SLC9A9: variants seen among roughly 807,000 people sequenced by gnomAD.
SLC9A9 encodes the protein sodium/hydrogen exchanger 9.
SLC9A9 carries 62 observed loss-of-function variants against 77.8 expected under a neutral mutation model. The observed-to-expected ratio is 0.80, with a 90% CI of 0.65 to 0.98. SLC9A9 has a LOEUF of 0.98. SLC9A9 is among the 50% of genes least tolerant of loss of function. SLC9A9 has a pLI of 0.00. For missense variants in SLC9A9, 775 were observed against 774.9 expected (o/e 1.00, Z 0.00); for synonymous variants, 320 against 283.5 (o/e 1.13, Z -1.29).
chr3:143,401,392 C>T (rs1179169808), intron 12 of SLC9A9, among the ~76,000 whole-genome samples: 1 of 152,118 alleles, frequency 6.6e-6, no homozygotes, highest in Non-Finnish European at 1.5e-5. Flanking sequence ...AAAACCAGCT[C>T]TTATAATAGT....
intron 14 of SLC9A9, among the ~76,000 whole-genome samples, chr3:143,298,178 T>A (rs1306475592): frequency 6.6e-6 from 1 of 152,344 alleles, no homozygotes. Context: ...TCCCCCCACG[T>A]TGATGTTCAG....
chr3:143,583,649 C>T (rs554164140), intron 6 of SLC9A9, among the ~76,000 whole-genome samples: 1 of 152,260 alleles, frequency 6.6e-6, no homozygotes, highest in South Asian at 2.1e-4. Flanking sequence ...ATAGTACCAA[C>T]CACACTGGGT....
At chr3:143,716,833 G>A (rs1934364822) in intron 4 of SLC9A9, among the ~76,000 whole-genome samples, 2 of 152,226 alleles carry the variant, frequency 1.3e-5, no homozygotes, top group African/African-American at 4.8e-5. Context: ...AATATAGGAT[G>A]GTACCAATGC....
intron 4 of SLC9A9, among the ~76,000 whole-genome samples, chr3:143,733,805 A>G (rs1458159085): frequency 1.3e-5 from 2 of 152,062 alleles, no homozygotes; most frequent in Non-Finnish European, 2.9e-5. Context: ...ACATGCCCCC[A>G]CTTTCCACCA....
At chr3:143,825,336 T>C (rs2009271348) in intron 2 of SLC9A9, among the ~76,000 whole-genome samples, 1 of 151,962 alleles carries the variant, frequency 6.6e-6, no homozygotes, top group Non-Finnish European at 1.5e-5. Flanking sequence ...GCAAATGTAG[T>C]TTACAAATAA....
chr3:143,756,258 A>G lies in SLC9A9; in HGVS notation c.533+38743T>C, dbSNP rs371159025. On this transcript the variant is annotated intron_variant, in intron 4 of 15. Coordinates refer to ENST00000316549, the MANE Select transcript of SLC9A9 (RefSeq NM_173653.4). ...CCATAACTAGACCTCAGGTTTCAGAAAAGAAAAGCTGATCTTCACAACAGT... is the reference window on the plus strand; with the variant it reads ...CCATAACTAGACCTCAGGTTTCAGAGAAGAAAAGCTGATCTTCACAACAGT... Among the ~76,000 whole-genome samples the G allele has an allele frequency of 3.3e-5, 5 of 152,346 alleles. No homozygotes were observed. The East Asian group carries it at 9.6e-4, about 29-fold the overall frequency.
intron 2 of SLC9A9, among the ~76,000 whole-genome samples, chr3:143,824,322 A>T (rs571055546): frequency 6.6e-6 from 1 of 152,266 alleles, no homozygotes; most frequent in East Asian, 1.9e-4. Flanking sequence ...AAAAACAAAA[A>T]ACTGCCTTCC....
chr3:143,432,855 T>TGACCTCATGATCCCCC (rs2034547278), intron 12 of SLC9A9, among the ~76,000 whole-genome samples: 6 of 152,244 alleles, frequency 3.9e-5, no homozygotes, highest in Admixed American at 3.9e-4. Flanking sequence ...CTTGATCTCC[T>TGACCTCATGATCCCCC]GACCTCATGA....
chr3:143,308,564 A>G (rs1436890964), intron 14 of SLC9A9, among the ~76,000 whole-genome samples: 1 of 148,600 alleles, frequency 6.7e-6, no homozygotes, highest in Non-Finnish European at 1.5e-5. Context: ...CGACAGAGCG[A>G]GACTCTGTCT....
intron 6 of SLC9A9, among the ~76,000 whole-genome samples, chr3:143,625,089 A>C (rs1475277598): frequency 6.6e-6 from 1 of 152,228 alleles, no homozygotes; most frequent in African/African-American, 2.4e-5. Context: ...GGAGAACTAC[A>C]AACCACTGCT....
chr3:143,461,126 T>G (rs887895853), intron 12 of SLC9A9, among the ~76,000 whole-genome samples: 3 of 152,166 alleles, frequency 2.0e-5, no homozygotes, highest in Non-Finnish European at 1.5e-5. Flanking sequence ...ATGTTACAAA[T>G]TAAATATCTA....
intron 6 of SLC9A9, among the ~76,000 whole-genome samples, chr3:143,641,550 T>G (rs1216287337): frequency 6.6e-6 from 1 of 151,890 alleles, no homozygotes; most frequent in Non-Finnish European, 1.5e-5. Flanking sequence ...CCTGCCACCA[T>G]GCCCAGCTAA....
At chr3:143,380,848 C>T (rs1356029170) in intron 13 of SLC9A9, among the ~76,000 whole-genome samples, 3 of 152,182 alleles carry the variant, frequency 2.0e-5, no homozygotes, top group African/African-American at 7.2e-5. Flanking sequence ...GTGTCTTGCC[C>T]AGGAAAACTC....
chr3:143,307,854 C>T (rs940439639), intron 14 of SLC9A9, among the ~76,000 whole-genome samples: 1 of 152,194 alleles, frequency 6.6e-6, no homozygotes, highest in African/African-American at 2.4e-5. Context: ...AGCCCCATGC[C>T]TGTGACTCAG....
chr3:143,725,368 C>A (rs1934614701), intron 4 of SLC9A9, among the ~76,000 whole-genome samples: 1 of 151,976 alleles, frequency 6.6e-6, no homozygotes, highest in Non-Finnish European at 1.5e-5. Context: ...CCATTTGACC[C>A]AGCCATCCCA....
intron 6 of SLC9A9, among the ~76,000 whole-genome samples, chr3:143,646,552 T>G (rs996895753): frequency 2.0e-5 from 3 of 151,848 alleles, no homozygotes; most frequent in Non-Finnish European, 4.4e-5. Context: ...TATTATTTTT[T>G]AAATGACTTC....
At chr3:143,547,497 C>T (rs940669632) in intron 9 of SLC9A9, among the ~76,000 whole-genome samples, 11 of 152,218 alleles carry the variant, frequency 7.2e-5, no homozygotes, top group South Asian at 2.1e-4. Context: ...TCTTCTAAAA[C>T]GTACGTACAT....
At chr3:143,600,319 G>A (rs1339386258) in intron 6 of SLC9A9, among the ~76,000 whole-genome samples, 1 of 151,954 alleles carries the variant, frequency 6.6e-6, no homozygotes, top group African/African-American at 2.4e-5. Flanking sequence ...TGAGAATGAT[G>A]GTTTCCCATC....
At chr3:143,496,104 G>A (rs369687017) in intron 9 of SLC9A9, among the ~76,000 whole-genome samples, 38 of 152,086 alleles carry the variant, frequency 2.5e-4, no homozygotes, top group Admixed American at 1.9e-3. Context: ...CCCAGGGATC[G>A]GTTTATGCAG....
Sources: gnomAD v4.1 joint callset for allele counts (sites outside exome capture counted in the v4.1 genomes callset) on GRCh38, gnomAD v4.1.1 for gene constraint, MANE v1.5 for transcripts, NCBI Gene and HGNC (gene_info 2026-07-23, HGNC 2026-07-21) for gene names.